Variants in AMD1 observed in about 807,000 individuals in gnomAD.
AMD1 encodes adenosylmethionine decarboxylase 1.
A neutral mutation model predicts 40.2 loss-of-function variants in AMD1; 11 were observed. That is an observed-to-expected ratio of 0.27 (90% confidence interval 0.17 to 0.45). The LOEUF (loss-of-function observed/expected upper bound fraction) is 0.45, where lower values mean the gene tolerates loss of function less well. Ranked by LOEUF, AMD1 falls within the 20% of genes least tolerant of loss-of-function variation. The pLI is 1.00. For synonymous variants in AMD1, 121 were observed against 130.8 expected (o/e 0.93, Z 0.51); for missense variants, 257 against 410.2 (o/e 0.63, Z 3.23).
chr6:110,886,222 CAAAAAA>C (rs34012901), intron 1 of AMD1, among the ~76,000 whole-genome samples: 2 of 139,070 alleles, frequency 1.4e-5, no homozygotes, highest in Non-Finnish European at 3.1e-5. Flanking sequence ...GACTCAGTCT[CAAAAAA>C]AAAAAAAAAA....
chr6:110,834,152 A>G, the AMD1 span, among the ~76,000 whole-genome samples: 1 of 152,028 alleles, frequency 6.6e-6, no homozygotes, highest in African/African-American at 2.4e-5. Context: ...AGGCTGGTTG[A>G]TAATTTTTTT....
At chr6:110,825,217 A>G in the AMD1 span, among the ~76,000 whole-genome samples, 4 of 152,356 alleles carry the variant, frequency 2.6e-5, no homozygotes, top group East Asian at 1.9e-4. Context: ...CAATTATCAC[A>G]ATGTCGTATA....
the AMD1 span, among the ~76,000 whole-genome samples, chr6:110,819,263 A>T: frequency 6.6e-6 from 1 of 152,204 alleles, no homozygotes; most frequent in East Asian, 1.9e-4. Flanking sequence ...AGGCTGAGGC[A>T]GGAGAATCAC....
At chr6:110,868,622 T>A in the AMD1 span, among the ~76,000 whole-genome samples, 1 of 152,224 alleles carries the variant, frequency 6.6e-6, no homozygotes, top group African/African-American at 2.4e-5. Context: ...TACTGAACAT[T>A]GAGGAGAGTC....
At chr6:110,822,022 G>T in the AMD1 span, among the ~76,000 whole-genome samples, 1 of 152,074 alleles carries the variant, frequency 6.6e-6, no homozygotes, top group African/African-American at 2.4e-5. Flanking sequence ...AATGAAACAG[G>T]TGTTTCCTTG....
chr6:110,830,634 A>G, the AMD1 span, among the ~76,000 whole-genome samples: 6 of 152,224 alleles, frequency 3.9e-5, no homozygotes, highest in Non-Finnish European at 8.8e-5. Flanking sequence ...CACACTGTCT[A>G]TGGGGTAGCC....
chr6:110,893,307 T>G (rs1427326669), intron 8 of AMD1, among the ~76,000 whole-genome samples, 169 bp from the exon 9 acceptor site: 1 of 152,208 alleles, frequency 6.6e-6, no homozygotes, highest in African/African-American at 2.4e-5. Context: ...GACAGGCCTC[T>G]GGTGGGAGGA....
chr6:110,890,007 A>T (rs993477097), intron 3 of AMD1: 22 of 361,552 alleles, frequency 6.1e-5, no homozygotes, highest in African/African-American at 2.0e-4. Context: ...TGGGCTTTTT[A>T]AAAAAAAGAG....
chr6:110,814,864 G>T, the AMD1 span: 1 of 1,066,098 alleles, frequency 9.4e-7, no homozygotes, highest in Non-Finnish European at 1.4e-6. Flanking sequence ...GGCGCCCCTC[G>T]GAGTCGGTGT....
the AMD1 span, among the ~76,000 whole-genome samples, chr6:110,831,293 G>C: frequency 6.6e-6 from 1 of 151,910 alleles, no homozygotes; most frequent in South Asian, 2.1e-4. Context: ...CAAAAAATTA[G>C]CCAGGCGTGG....
At position 110,892,462 on chromosome 6, in the gene AMD1, AATT is replaced by A; in HGVS notation, c.615+20_615+22del. The A allele has an allele frequency of 1.2e-6, 2 of 1,611,240 alleles. No homozygotes were observed. The highest frequency in any genetic ancestry group is 1.7e-6 in the Non-Finnish European group (2 of 1,179,494). ...CACTCGTGTAAGCATTTTTAGTAATAATTGTTGCTGGACTCTTCTGCGTGGGGA... is the reference window on the plus strand; with the variant it reads ...CACTCGTGTAAGCATTTTTAGTAATAGTTGCTGGACTCTTCTGCGTGGGGA... On this transcript the variant is annotated intron_variant, in intron 6 of 8. Coordinates refer to ENST00000368885, the MANE Select transcript of AMD1 (RefSeq NM_001634.6).
At chr6:110,832,555 C>A in the AMD1 span, among the ~76,000 whole-genome samples, 4 of 152,220 alleles carry the variant, frequency 2.6e-5, no homozygotes, top group Non-Finnish European at 2.9e-5. Context: ...CTGTGACAAA[C>A]CACCTGCATC....
intron 1 of AMD1, among the ~76,000 whole-genome samples, chr6:110,883,684 C>T (rs112902191): frequency 1.8e-4 from 28 of 152,254 alleles, no homozygotes; most frequent in African/African-American, 4.6e-4. Flanking sequence ...CTCCGCCTTC[C>T]GGGTTCATGC....
chr6:110,841,852 G>A, the AMD1 span, among the ~76,000 whole-genome samples: 1 of 151,772 alleles, frequency 6.6e-6, no homozygotes, highest in Non-Finnish European at 1.5e-5. Context: ...CCCCAGGCTG[G>A]AGTGCAGTGG....
At chr6:110,882,243 A>G (rs1298853011) in intron 1 of AMD1, among the ~76,000 whole-genome samples, 1 of 152,226 alleles carries the variant, frequency 6.6e-6, no homozygotes, top group Non-Finnish European at 1.5e-5. Flanking sequence ...TGTCGACTGT[A>G]TAAAGCACTT....
chr6:110,869,369 T>G, the AMD1 span, among the ~76,000 whole-genome samples: 1 of 151,806 alleles, frequency 6.6e-6, no homozygotes, highest in Non-Finnish European at 1.5e-5. Flanking sequence ...CCTGACCTCG[T>G]GATCCGCCCG....
upstream of AMD1, among the ~76,000 whole-genome samples, chr6:110,872,832 G>A (rs1269257907): frequency 6.6e-6 from 1 of 152,146 alleles, no homozygotes; most frequent in African/African-American, 2.4e-5. Flanking sequence ...AAGCATAATA[G>A]TAGTTGAGAA....
chr6:110,863,964 TC>T, the AMD1 span: 1 of 462,456 alleles, frequency 2.2e-6, no homozygotes, highest in Non-Finnish European at 4.2e-6. Flanking sequence ...TTACCACTAA[TC>T]TTTTTTTTTT....
the AMD1 span, among the ~76,000 whole-genome samples, chr6:110,829,648 G>A: frequency 5.1e-4 from 78 of 151,776 alleles, 1 homozygote; most frequent in East Asian, 0.013. Flanking sequence ...CAGCCTGGGC[G>A]ACAGAGGGAG....
Sources: gnomAD v4.1 joint callset for allele counts (sites outside exome capture counted in the v4.1 genomes callset) on GRCh38, gnomAD v4.1.1 for gene constraint, MANE v1.5 for transcripts, NCBI Gene and HGNC (gene_info 2026-07-23, HGNC 2026-07-21) for gene names.